ATP8A2: variants seen among roughly 807,000 people sequenced by gnomAD.
ATP8A2 encodes the protein ATPase phospholipid transporting 8A2.
ATP8A2 carries 100 observed loss-of-function variants against 165.6 expected under a neutral mutation model. The observed-to-expected ratio is 0.60, with a 90% CI of 0.51 to 0.71. The LOEUF is 0.71. ATP8A2 is among the 30% of genes least tolerant of loss of function. The probability of loss-of-function intolerance (pLI) is 0.00; values close to 1 mark genes in which losing one functional copy is unlikely to be tolerated. For missense variants in ATP8A2, 1,227 were observed against 1,479.5 expected (o/e 0.83, Z 2.80); for synonymous variants, 543 against 548.8 (o/e 0.99, Z 0.15).
chr13:25,837,277 A>G lies in ATP8A2; in HGVS notation c.2869A>G (p.Asn957Asp). The G allele has an allele frequency of 1.2e-6, 2 of 1,614,146 alleles. No individual in the cohort carries two copies. The highest frequency in any genetic ancestry group is 1.7e-6 in the Non-Finnish European group (2 of 1,179,998). ...YKITQNGEGF[N>D]TKVFWGHCIN... ...AATCACCCAGAATGGCGAAGGCTTC[A>G]ACACAAAGGTAAACAGAGTGTGATC... The change falls in exon 29 of 37, where the codon AAC becomes GAC. Residue 957 changes from asparagine (N) to aspartate (D), a missense_variant. Coordinates refer to ENST00000381655, the MANE Select transcript of ATP8A2 (RefSeq NM_016529.6).
chr13:25,685,451 G>C (rs750806339), intron 24 of ATP8A2, among the ~76,000 whole-genome samples: 2 of 152,330 alleles, frequency 1.3e-5, no homozygotes, highest in African/African-American at 4.8e-5. Context: ...ATTCTCTAGT[G>C]GGGAGGGTGG....
chr13:25,531,608 G>A (rs950972414), intron 4 of ATP8A2, among the ~76,000 whole-genome samples: 10 of 151,618 alleles, frequency 6.6e-5, no homozygotes, highest in South Asian at 2.1e-4. Context: ...TACAGGTTAA[G>A]CATCCCTAAA....
At chr13:25,683,802 A>G (rs2042544724) in intron 24 of ATP8A2, among the ~76,000 whole-genome samples, 2 of 151,964 alleles carry the variant, frequency 1.3e-5, no homozygotes, top group South Asian at 4.2e-4. Context: ...TGCACTGTGA[A>G]TATCGTTAGG....
At chr13:25,540,843 A>T (rs888683544) in intron 8 of ATP8A2, among the ~76,000 whole-genome samples, 3 of 151,958 alleles carry the variant, frequency 2.0e-5, no homozygotes, top group Non-Finnish European at 4.4e-5. Flanking sequence ...TAATTCTAGG[A>T]TGAAGAATAG....
chr13:25,881,534 G>A (rs764031054), intron 33 of ATP8A2, among the ~76,000 whole-genome samples: 1 of 151,694 alleles, frequency 6.6e-6, no homozygotes, highest in Non-Finnish European at 1.5e-5. Flanking sequence ...TTTAATGTTC[G>A]TTATGTATAC....
chr13:25,804,344 T>C (rs1377910944), intron 27 of ATP8A2, among the ~76,000 whole-genome samples: 4 of 152,178 alleles, frequency 2.6e-5, no homozygotes, highest in Non-Finnish European at 5.9e-5. Flanking sequence ...TAAAAAGCTA[T>C]AAGATTTAGA....
intron 35 of ATP8A2, among the ~76,000 whole-genome samples, chr13:26,004,727 C>A (rs913665599): frequency 7.2e-5 from 11 of 151,826 alleles, no homozygotes. Flanking sequence ...TGTTGATTGG[C>A]TTTTCTGCAT....
intron 27 of ATP8A2, among the ~76,000 whole-genome samples, chr13:25,807,725 T>G (rs1367026146): frequency 1.3e-5 from 2 of 152,176 alleles, no homozygotes; most frequent in Non-Finnish European, 2.9e-5. Flanking sequence ...TTTAATTCCT[T>G]TACAACAGCT....
Position 25,953,890 on chromosome 13 carries a change from A to G in ATP8A2, c.3184-7685A>G, listed in dbSNP as rs1324133051. Among the ~76,000 whole-genome samples the G allele has an allele frequency of 1.3e-5, 2 of 151,956 alleles. No individual in the cohort carries two copies. Among genetic ancestry groups the G allele is most frequent in the African/African-American group, 4.8e-5 (2 of 41,368 alleles). On this transcript the variant is annotated intron_variant, in intron 33 of 36. Transcript: ENST00000381655. The surrounding 1 kb of genome is among the most constrained non-coding windows in gnomAD (Gnocchi z 6.7). Reference sequence around the variant, plus strand: ...GGAGATTCCCTCCGGTGCCTACATCACCAGGGCCCTGGGTTTCAAGCACAA... The same window carrying G: ...GGAGATTCCCTCCGGTGCCTACATCGCCAGGGCCCTGGGTTTCAAGCACAA...
chr13:25,589,783 A>T, intron 24 of ATP8A2, 84 bp downstream of exon 24: 4 of 838,928 alleles, frequency 4.8e-6, no homozygotes, highest in Non-Finnish European at 7.7e-6. Context: ...ATCAGGGATC[A>T]TGTTTTGCTA....
intron 36 of ATP8A2, among the ~76,000 whole-genome samples, 177 bp from the exon 37 acceptor site, chr13:26,019,711 G>T (rs975312956): frequency 3.3e-5 from 5 of 152,124 alleles, no homozygotes; most frequent in Non-Finnish European, 7.4e-5. Flanking sequence ...GCACACGGCC[G>T]CCACGGCCCC....
chr13:25,907,547 G>A (rs1953978579), intron 33 of ATP8A2, among the ~76,000 whole-genome samples: 1 of 152,100 alleles, frequency 6.6e-6, no homozygotes, highest in South Asian at 2.1e-4. Context: ...TATTGACTGA[G>A]CCACTCAACA....
At chr13:25,971,525 G>A (rs1955912995) in intron 35 of ATP8A2, among the ~76,000 whole-genome samples, 1 of 151,806 alleles carries the variant, frequency 6.6e-6, no homozygotes, top group South Asian at 2.1e-4. Context: ...CAGCTGATTT[G>A]TGTATCTCTC....
At chr13:25,923,198 C>T (rs1954510170) in intron 33 of ATP8A2, among the ~76,000 whole-genome samples, 1 of 152,152 alleles carries the variant, frequency 6.6e-6, no homozygotes. Context: ...GTCAAGTTTC[C>T]CCTTCCCAGA....
intron 1 of ATP8A2, among the ~76,000 whole-genome samples, chr13:25,456,209 C>T (rs888558124): frequency 6.6e-6 from 1 of 152,216 alleles, no homozygotes; most frequent in Non-Finnish European, 1.5e-5. Context: ...TCTCTCCAAC[C>T]AATCACCCTT....
intron 30 of ATP8A2, among the ~76,000 whole-genome samples, chr13:25,851,554 G>A (rs1057195807): frequency 1.3e-5 from 2 of 150,598 alleles, no homozygotes; most frequent in Admixed American, 6.6e-5. Context: ...CTGCACTCCA[G>A]CCTGGGTGAC....
Position 25,408,222 on chromosome 13 carries a change from GTC to G in ATP8A2, c.76+35938_76+35939del, listed in dbSNP as rs2033864498. On this transcript the variant is annotated intron_variant, in intron 1 of 36. Coordinates refer to ENST00000381655, the MANE Select transcript of ATP8A2 (RefSeq NM_016529.6). ...ATCCTGGCCAACGTGGTGAAACCCC[GTC>G]TCTACTAAAATACAGAAAATTAACC... Among the ~76,000 whole-genome samples, 3 of 152,180 alleles carry G rather than the reference GTC, an allele frequency of 2.0e-5. No individual in the cohort carries two copies. The South Asian group carries it at 6.2e-4, about 32-fold the overall frequency.
Position 25,405,002 on chromosome 13 carries a change from A to G in ATP8A2, c.76+32714A>G, listed in dbSNP as rs374859571. On this transcript the variant is annotated intron_variant, in intron 1 of 36. Coordinates refer to ENST00000381655, the MANE Select transcript of ATP8A2 (RefSeq NM_016529.6). ...AGAAGTGGCCAGAGCGCTGGGGGAA[A>G]GCAGAAGAGGGTGGTCTCTTGGAAG... 9.2e-5 allele frequency among the ~76,000 whole-genome samples: 14 copies of G among 152,250 alleles called. No homozygotes were observed. In the East Asian group the frequency reaches 2.1e-3, roughly 23 times the overall value.
intron 30 of ATP8A2, among the ~76,000 whole-genome samples, chr13:25,858,743 C>G (rs942842025): frequency 3.0e-4 from 45 of 152,172 alleles, no homozygotes; most frequent in Non-Finnish European, 4.4e-5. Flanking sequence ...ATCTACCCAG[C>G]CTGCGGGCCA....
Sources: allele counts gnomAD v4.1 joint callset (sites outside exome capture counted in the v4.1 genomes callset), GRCh38; gene constraint gnomAD v4.1.1; non-coding constraint Gnocchi (gnomAD v3.1); transcripts MANE v1.5; gene names NCBI Gene and HGNC (gene_info 2026-07-23, HGNC 2026-07-21).